SLC4A8: variants seen among roughly 807,000 people sequenced by gnomAD.
The protein encoded by SLC4A8 is solute carrier family 4 member 8.
A neutral mutation model predicts 125.0 loss-of-function variants in SLC4A8; 40 were observed. The observed-to-expected ratio is 0.32, with a 90% CI of 0.25 to 0.42. The LOEUF (loss-of-function observed/expected upper bound fraction) is 0.42. Among genes scored for constraint, SLC4A8 ranks in the 10% least tolerant of loss-of-function variants. The probability of loss-of-function intolerance (pLI) is 1.00; values close to 1 mark genes in which losing one functional copy is unlikely to be tolerated. For missense variants in SLC4A8, 863 were observed against 1,355.1 expected (o/e 0.64, Z 5.70); for synonymous variants, 456 against 476.0 (o/e 0.96, Z 0.55).
rs1329916994 is a variant in SLC4A8 at position 51,515,577 on chromosome 12, G to A, written c.*8139G>A. ...TGTAAATAGAACCAGGAATAAATGT[G>A]TCATTGTGATAATCCCATAGCAATT... is the stretch of plus-strand genomic sequence containing the variant. On this transcript the variant is annotated 3_prime_UTR_variant, in exon 25 of 25. Transcript: ENST00000453097. The A allele has an allele frequency of 2.6e-5, 4 of 152,110 alleles. No homozygotes were observed. The highest frequency in any genetic ancestry group is 5.9e-5 in the Non-Finnish European group (4 of 68,034). 9.4% of individuals were successfully genotyped at this position (152,110 alleles called of 1,614,324 possible). A position where few individuals can be genotyped will look rare whatever the true frequency, so the allele number is the denominator to read the frequency against.
At chr12:51,506,207 T>G (rs1348698803) in intron 24 of SLC4A8, among the ~76,000 whole-genome samples, 1 of 152,236 alleles carries the variant, frequency 6.6e-6, no homozygotes, top group East Asian at 1.9e-4. Context: ...GTTTATTTCC[T>G]TTAATCCTCT....
At chr12:51,479,785 T>TAA (rs1184908323) in intron 16 of SLC4A8, among the ~76,000 whole-genome samples, 1 of 151,554 alleles carries the variant, frequency 6.6e-6, no homozygotes, top group Non-Finnish European at 1.5e-5. Flanking sequence ...CTTTGTAAAA[T>TAA]CAATGGTATA....
At chr12:51,426,129 C>T (rs1364844923) in intron 1 of SLC4A8, among the ~76,000 whole-genome samples, 1 of 151,968 alleles carries the variant, frequency 6.6e-6, no homozygotes, top group Non-Finnish European at 1.5e-5. Context: ...ATGGTTTCCC[C>T]GAGGAGGCAG....
In SLC4A8 at chr12:51,424,956, A is replaced by T. The variant is rs547508550; in HGVS notation, c.-32A>T. 2.4e-4 allele frequency: 373 copies of T among 1,549,804 alleles called. No individual in the cohort carries two copies. The highest frequency in any genetic ancestry group is 3.1e-4 in the Non-Finnish European group (353 of 1,146,572). On this transcript the variant is annotated 5_prime_UTR_variant, in exon 1 of 25. Transcript: ENST00000453097. ...CGCGGGCTGCTGATGCTTGGCTTGG[A>T]GCCCGTGGGGGAGACCTAGTTCGGC...
intron 1 of SLC4A8, among the ~76,000 whole-genome samples, chr12:51,395,825 A>G (rs996651675): frequency 9.9e-5 from 15 of 152,226 alleles, no homozygotes; most frequent in Non-Finnish European, 1.9e-4. Flanking sequence ...AGTGCAGTTA[A>G]TGATACCTGG....
chr12:51,466,072 G>A (rs1950505933), intron 11 of SLC4A8, among the ~76,000 whole-genome samples: 1 of 152,106 alleles, frequency 6.6e-6, no homozygotes, highest in Non-Finnish European at 1.5e-5. Context: ...AGAAGTATTT[G>A]AAGGCAGGGT....
chr12:51,405,197 GC>G (rs1175161985), intron 1 of SLC4A8, among the ~76,000 whole-genome samples: 1 of 152,208 alleles, frequency 6.6e-6, no homozygotes, highest in Non-Finnish European at 1.5e-5. Flanking sequence ...TCTATGAGAT[GC>G]CCTTGAACCA....
chr12:51,461,145 G>T, intron 8 of SLC4A8, 59 bp from the exon 9 acceptor site: 2 of 815,814 alleles, frequency 2.5e-6, no homozygotes, highest in South Asian at 1.5e-5. Flanking sequence ...GTTTAGAGAG[G>T]ACTAATGGCA....
rs1592289302 is a variant in SLC4A8 at position 51,510,439 on chromosome 12, A to C, written c.*3001A>C. The C allele has an allele frequency of 6.6e-6, 1 of 151,960 alleles. No homozygotes were observed. Among genetic ancestry groups the C allele is most frequent in the South Asian group, 2.1e-4 (1 of 4,822 alleles). 9.4% of individuals were successfully genotyped at this position (151,960 alleles called of 1,614,324 possible). ...ACTCCATTTCAAAAAAAAAAAAAAA[A>C]AAAAACTTCCCAATAGGAGGTATTC... On this transcript the variant is annotated 3_prime_UTR_variant, in exon 25 of 25. Transcript: ENST00000453097.
intron 1 of SLC4A8, among the ~76,000 whole-genome samples, chr12:51,396,630 C>T (rs888290387): frequency 1.3e-4 from 19 of 150,382 alleles, no homozygotes; most frequent in Admixed American, 1.2e-3. Context: ...ATCACTTGAG[C>T]GCAGGAGTTT....
At chr12:51,484,849 T>C (rs961018833) in intron 16 of SLC4A8, among the ~76,000 whole-genome samples, 4 of 151,516 alleles carry the variant, frequency 2.6e-5, no homozygotes, top group African/African-American at 7.3e-5. Context: ...AGTGCTGGGG[T>C]GGAGGGAGGT....
chr12:51,504,849 A>G (rs1289514018), intron 23 of SLC4A8, among the ~76,000 whole-genome samples: 1 of 152,232 alleles, frequency 6.6e-6, no homozygotes, highest in African/African-American at 2.4e-5. Context: ...AAATTGGTCC[A>G]TTCATGGTTT....
intron 1 of SLC4A8, among the ~76,000 whole-genome samples, chr12:51,405,696 G>A (rs1948472587): frequency 6.6e-6 from 1 of 152,156 alleles, no homozygotes; most frequent in African/African-American, 2.4e-5. Flanking sequence ...ATGCCTGCAG[G>A]GCCCCGTGGC....
chr12:51,487,023 G>A (rs1951180073), intron 17 of SLC4A8, among the ~76,000 whole-genome samples: 1 of 152,170 alleles, frequency 6.6e-6, no homozygotes, highest in Admixed American at 6.5e-5. Flanking sequence ...TCTAAAAATA[G>A]GTAATATGGG....
Position 51,497,084 on chromosome 12 carries a change from A to G in SLC4A8, c.3041A>G (p.Lys1014Arg). ...LDDLMPESKK[K>R]KLDDAKKKAK... ...GATCTCATGCCTGAAAGCAAAAAGA[A>G]GAAGTTGGATGATGCCAAAAAGAAG... The change falls in exon 22 of 25, where the codon AAG becomes AGG. Residue 1014 changes from lysine to arginine, a missense_variant. Transcript: ENST00000453097. The G allele has an allele frequency of 6.2e-7, 1 of 1,613,948 alleles. No homozygotes were observed. The highest frequency in any genetic ancestry group is 8.5e-7 in the Non-Finnish European group (1 of 1,179,996).
At chr12:51,394,046 C>G (rs1325980909) in intron 1 of SLC4A8, among the ~76,000 whole-genome samples, 1 of 152,190 alleles carries the variant, frequency 6.6e-6, no homozygotes, top group Non-Finnish European at 1.5e-5. Flanking sequence ...TCTGTCCTTC[C>G]TCCACCTCTG....
At chr12:51,497,277 T>G (rs1951487550) in intron 22 of SLC4A8, 153 bp downstream of exon 22, 27 of 822,434 alleles carry the variant, frequency 3.3e-5, no homozygotes, top group Non-Finnish European at 5.1e-5. Context: ...AAGAATGGAT[T>G]AGGGATTCTT....
At chr12:51,492,548 TC>T (rs1279280121) in intron 19 of SLC4A8, among the ~76,000 whole-genome samples, 5 of 152,212 alleles carry the variant, frequency 3.3e-5, no homozygotes, top group Admixed American at 2.0e-4. Context: ...CCCTGGGCTT[TC>T]CCCTAGCTGC....
intron 1 of SLC4A8, among the ~76,000 whole-genome samples, chr12:51,432,756 A>G (rs1211275944): frequency 3.9e-5 from 6 of 152,064 alleles, no homozygotes; most frequent in South Asian, 2.1e-4. Context: ...TCTGGAAATC[A>G]TCTCTATATT....
Sources: gnomAD v4.1 joint callset for allele counts (sites outside exome capture counted in the v4.1 genomes callset) on GRCh38, gnomAD v4.1.1 for gene constraint, MANE v1.5 for transcripts, NCBI Gene and HGNC (gene_info 2026-07-23, HGNC 2026-07-21) for gene names.